Variants in TEX2 observed in about 807,000 individuals in gnomAD.
The protein encoded by TEX2 is testis-expressed protein 2.
TEX2 carries 53 observed loss-of-function variants against 106.9 expected under a neutral mutation model. That is an observed-to-expected ratio of 0.50 (90% CI 0.40 to 0.62). The LOEUF (loss-of-function observed/expected upper bound fraction) is 0.62, where lower values mean the gene tolerates loss of function less well. Among genes scored for constraint, TEX2 ranks in the 20% least tolerant of loss-of-function variants. TEX2 has a pLI of 0.00. For synonymous variants in TEX2, 523 were observed against 534.8 expected (o/e 0.98, Z 0.30); for missense variants, 1,207 against 1,379.0 (o/e 0.88, Z 1.98).
chr17:64,229,912 G>GA (rs1555634410), intron 1 of TEX2, among the ~76,000 whole-genome samples: 2 of 152,076 alleles, frequency 1.3e-5, no homozygotes, highest in Non-Finnish European at 2.9e-5. Flanking sequence ...TTCAAAAACT[G>GA]AAAAAACTCT....
chr17:64,181,646 C>T (rs2031867669), intron 5 of TEX2, among the ~76,000 whole-genome samples: 2 of 151,922 alleles, frequency 1.3e-5, no homozygotes, highest in Admixed American at 1.3e-4. Context: ...TCCCAAGTAG[C>T]TGGTATTACA....
intron 7 of TEX2, among the ~76,000 whole-genome samples, chr17:64,166,506 T>G (rs1385417239): frequency 2.6e-5 from 4 of 152,208 alleles, no homozygotes; most frequent in Non-Finnish European, 5.9e-5. Context: ...AAGTCACCCC[T>G]CTCTGGGCTT....
chr17:64,190,769 A>G (rs898720071), intron 4 of TEX2, among the ~76,000 whole-genome samples: 1 of 152,194 alleles, frequency 6.6e-6, no homozygotes, highest in Non-Finnish European at 1.5e-5. Flanking sequence ...GAAATGCAGA[A>G]TCTCAGCCCC....
At chr17:64,161,057 C>A (rs2030862635) in intron 7 of TEX2, 124 bp from the exon 8 acceptor site, 1 of 1,044,222 alleles carries the variant, frequency 9.6e-7, no homozygotes, top group Admixed American at 2.4e-5. Flanking sequence ...GTCTACTACT[C>A]TAGTTGAGAA....
intron 1 of TEX2, among the ~76,000 whole-genome samples, chr17:64,250,310 G>T (rs1403284981): frequency 2.0e-5 from 3 of 152,192 alleles, no homozygotes; most frequent in Non-Finnish European, 2.9e-5. Flanking sequence ...TAGAAGGTAG[G>T]AAATGCTCAG....
chr17:64,182,599 CA>C lies in TEX2; in HGVS notation c.2425-5129del, dbSNP rs1197971822. 3.9e-5 allele frequency among the ~76,000 whole-genome samples: 6 copies of C among 152,208 alleles called. No individual in the cohort carries two copies. The East Asian group carries it at 1.2e-3, about 29-fold the overall frequency. ...TCACTCCCCAAATAAACCCTGTACC[CA>C]TTAGCAGTCACTCCCTATTCCTCCC... On this transcript the variant is annotated intron_variant, in intron 5 of 11. Transcript: ENST00000584379.
intron 4 of TEX2, 46 bp from the exon 5 acceptor site, chr17:64,188,461 C>G: frequency 1.3e-6 from 2 of 1,554,908 alleles, no homozygotes; most frequent in Non-Finnish European, 1.7e-6. Flanking sequence ...AAGAAAACAA[C>G]TGCAAAGTAA....
rs906457006 is a variant in TEX2 at position 64,212,516 on chromosome 17, A to G, written c.1644+58T>C. On this transcript the variant is annotated intron_variant, in intron 2 of 11. Coordinates refer to ENST00000584379, the MANE Select transcript of TEX2 (RefSeq NM_001288732.2). ...GCTAACCAAAAAACAAGTCAGATCT[A>G]AAATACGGCTGTATGTGAGAAGTGT... 4 of 1,461,340 alleles carry G rather than the reference A, an allele frequency of 2.7e-6. No homozygotes were observed. In the African/African-American group the frequency reaches 5.7e-5, roughly 21 times the overall value. The allele number at this position is 1,461,340 out of a possible 1,614,324, so 90.5% of individuals were successfully genotyped here.
At position 64,195,765 on chromosome 17, in the gene TEX2, A is replaced by AT. The variant is rs2032447530; in HGVS notation, c.1645-671dup. On this transcript the variant is annotated intron_variant, in intron 2 of 11. Coordinates refer to ENST00000584379, the MANE Select transcript of TEX2 (RefSeq NM_001288732.2). This position sits in a 1 kb window ranked among gnomAD's most constrained non-coding sequence, Gnocchi z 4.1. ...AAATGATTTTGTGTTACATATCTTG[A>AT]TTTTTTAAAAGAGCCAACACTGAAA... Among the ~76,000 whole-genome samples the AT allele has an allele frequency of 6.6e-6, 1 of 152,244 alleles. No homozygotes were observed. Among genetic ancestry groups the AT allele is most frequent in the Non-Finnish European group, 1.5e-5 (1 of 68,034 alleles).
intron 10 of TEX2, 41 bp downstream of exon 10, chr17:64,152,897 CATGCAAT>C (rs1264339578): frequency 1.3e-6 from 2 of 1,563,584 alleles, no homozygotes; most frequent in Middle Eastern, 1.8e-4. Context: ...TTTCTGTGGC[CATGCAAT>C]AGGAGGAATC....
Position 64,205,893 on chromosome 17 carries a change from T to G in TEX2, c.1644+6681A>C, listed in dbSNP as rs1228056408. Among the ~76,000 whole-genome samples, 1 of 152,210 alleles carries G rather than the reference T, an allele frequency of 6.6e-6. No homozygotes were observed. Among genetic ancestry groups the G allele is most frequent in the Non-Finnish European group, 1.5e-5 (1 of 68,042 alleles). Reference sequence around the variant, plus strand: ...TCTGGAAACCAATATGCTACTGCTGTGTTCTGCTGGTGGTTTATAAATCTG... The same window carrying G: ...TCTGGAAACCAATATGCTACTGCTGGGTTCTGCTGGTGGTTTATAAATCTG... On this transcript the variant is annotated intron_variant, in intron 2 of 11. Transcript: ENST00000584379. This position sits in a 1 kb window ranked among gnomAD's most constrained non-coding sequence, Gnocchi z 4.0.
At chr17:64,177,809 A>G (rs1216464429) in intron 5 of TEX2, among the ~76,000 whole-genome samples, 1 of 152,230 alleles carries the variant, frequency 6.6e-6, no homozygotes, top group Non-Finnish European at 1.5e-5. Flanking sequence ...CACATCTGAT[A>G]AAATGCCTGC....
rs1015302761 is a variant in TEX2, at chr17:64,185,436, G to A, written c.2424+2732C>T. The stretch of plus-strand genomic sequence containing the variant: ...TACCCATGCTGGAAGTGGTACCATT[G>A]CACTTTCAGACATTTTTTAAAAAAG... On this transcript the variant is annotated intron_variant, in intron 5 of 11. Coordinates refer to ENST00000584379, the MANE Select transcript of TEX2 (RefSeq NM_001288732.2). This position sits in a 1 kb window ranked among gnomAD's most constrained non-coding sequence, Gnocchi z 4.0. Among the ~76,000 whole-genome samples, 9 of 152,084 alleles carry A rather than the reference G, an allele frequency of 5.9e-5. No individual in the cohort carries two copies. The highest frequency in any genetic ancestry group is 2.2e-4 in the African/African-American group (9 of 41,394).
At chr17:64,216,275 G>A (rs1321001997) in intron 1 of TEX2, among the ~76,000 whole-genome samples, 1 of 152,052 alleles carries the variant, frequency 6.6e-6, no homozygotes, top group East Asian at 1.9e-4. Context: ...AGCAACATAT[G>A]TTTTTCATTT....
At chr17:64,215,161 C>A (rs564439900) in intron 1 of TEX2, among the ~76,000 whole-genome samples, 1 of 152,332 alleles carries the variant, frequency 6.6e-6, no homozygotes, top group South Asian at 2.1e-4. Flanking sequence ...AGATGCCACG[C>A]CCACCTTGTG....
chr17:64,206,718 C>T (rs782735640), intron 2 of TEX2, among the ~76,000 whole-genome samples: 3 of 152,108 alleles, frequency 2.0e-5, no homozygotes, highest in Non-Finnish European at 4.4e-5. Flanking sequence ...CATGCCCCAC[C>T]ACACCCGGCT....
At position 64,170,962 on chromosome 17, in the gene TEX2, T is replaced by G. The variant is rs1357729920; in HGVS notation, c.2671+138A>C. The G allele has an allele frequency of 1.6e-5, 11 of 699,704 alleles. No individual in the cohort carries two copies. The South Asian group carries it at 1.6e-4, about 10-fold the overall frequency. The allele number at this position is 699,704 out of a possible 1,614,324, so 43.3% of individuals were successfully genotyped here. The stretch of plus-strand genomic sequence containing the variant: ...AAATCAGTTTTAAGGCCATGACTGG[T>G]AAGAACAGAAAGACACTCAACATGA... On this transcript the variant is annotated intron_variant, in intron 7 of 11. Coordinates refer to ENST00000584379, the MANE Select transcript of TEX2 (RefSeq NM_001288732.2).
chr17:64,150,299 G>T (rs1193087167), intron 11 of TEX2: 1 of 152,258 alleles, frequency 6.6e-6, no homozygotes, highest in African/African-American at 2.4e-5. Flanking sequence ...GAAAAGCTGA[G>T]AGAGTAAGCT....
rs750661894 is a variant in TEX2 at position 64,188,382 on chromosome 17, G to A, written c.2210C>T (p.Pro737Leu). ...LLPAHSRHNSPSGHLTHSRSS... is the reference protein window; with the variant it reads ...LLPAHSRHNSLSGHLTHSRSS... ...GCGGCTGTGGGTCAGGTGCCCGGAC[G>A]GACTGTTGTGTCTGCTGTGTGCAGG... The change falls in exon 5 of 12, where the codon CCG becomes CTG. Residue 737 changes from proline to leucine, a missense_variant. This residue lies in a region of TEX2 where 1,067 missense variants were observed against 1,193.6 expected (regional missense o/e 0.89). Coordinates refer to ENST00000584379, the MANE Select transcript of TEX2 (RefSeq NM_001288732.2). 18 of 1,614,056 alleles carry A rather than the reference G, an allele frequency of 1.1e-5. No homozygotes were observed. The highest frequency in any genetic ancestry group is 2.2e-5 in the East Asian group (1 of 44,898).
Sources: gnomAD v4.1 joint callset for allele counts (sites outside exome capture counted in the v4.1 genomes callset) on GRCh38, gnomAD v4.1.1 for gene constraint, gnomAD v4.1.1 regional missense constraint, Gnocchi (gnomAD v3.1) non-coding constraint, MANE v1.5 for transcripts, NCBI Gene and HGNC (gene_info 2026-07-23, HGNC 2026-07-21) for gene names.